The following GCH1 variants were observed in gnomAD, a reference collection of about 807,000 sequenced individuals.
GCH1 encodes the protein GTP cyclohydrolase I.
A neutral mutation model predicts 25.9 loss-of-function variants in GCH1; 5 were observed. That is an observed-to-expected ratio of 0.19 (90% CI 0.10 to 0.41). GCH1 has a LOEUF of 0.41. GCH1 is among the 10% of genes least tolerant of loss of function. GCH1 has a pLI of 1.00. For missense variants in GCH1, 261 were observed against 336.5 expected (o/e 0.78, Z 1.75); for synonymous variants, 159 against 129.6 (o/e 1.23, Z -1.54).
intron 1 of GCH1, among the ~76,000 whole-genome samples, chr14:54,870,237 T>C (rs529535920): frequency 1.3e-5 from 2 of 149,256 alleles, no homozygotes; most frequent in African/African-American, 5.0e-5. Flanking sequence ...GTGGCTCACA[T>C]CTGTAATTCT....
chr14:54,871,084 T>C (rs1216406585), intron 1 of GCH1, among the ~76,000 whole-genome samples: 1 of 152,146 alleles, frequency 6.6e-6, no homozygotes, highest in Non-Finnish European at 1.5e-5. Context: ...GTAGCCTAAC[T>C]GGGAGGCACC....
chr14:54,865,698 G>A (rs191935831), intron 1 of GCH1, among the ~76,000 whole-genome samples: 2 of 152,282 alleles, frequency 1.3e-5, no homozygotes, highest in Non-Finnish European at 1.5e-5. Context: ...GAAGGAGAAC[G>A]GAGGGAGGAA....
intron 3 of GCH1, among the ~76,000 whole-genome samples, chr14:54,855,505 CAAAAAAAAAAAAAAA>C (rs764999718): frequency 2.7e-5 from 1 of 36,432 alleles, no homozygotes; most frequent in Non-Finnish European, 4.2e-5. Context: ...GACCCTGTCT[CAAAAAAAAAAAAAAA>C]AAAAAAAAAG....
At chr14:54,857,885 T>C (rs530355596) in intron 3 of GCH1, among the ~76,000 whole-genome samples, 1 of 152,332 alleles carries the variant, frequency 6.6e-6, no homozygotes, top group East Asian at 1.9e-4. Context: ...AGAATGTTTC[T>C]GGATTTGTGC....
Position 54,902,447 on chromosome 14 carries a change from C to T in GCH1, c.217G>A (p.Ala73Thr). 1 of 1,612,896 alleles carries T rather than the reference C, an allele frequency of 6.2e-7. No homozygotes were observed. The highest frequency in any genetic ancestry group is 8.5e-7 in the Non-Finnish European group (1 of 1,179,770). ...GAGCTCAGGATGGACGAGTAGGCGG[C>T]TGCCAGGTTAGGGAGGTTCAGCTCG... is the stretch of plus-strand genomic sequence containing the variant. ...DNELNLPNLA[A>T]AYSSILSSLG... Residue 73 changes from alanine (A) to threonine (T), a missense_variant, in exon 1 of 6, where the codon GCC (alanine) becomes ACC (threonine). Around this residue, in one of 3 missense-constraint regions of GCH1, gnomAD observed 125 missense variants for 128.7 expected, o/e 0.97. Coordinates refer to ENST00000491895, the MANE Select transcript of GCH1 (RefSeq NM_000161.3).
chr14:54,864,349 T>C (rs2039961716), intron 2 of GCH1, among the ~76,000 whole-genome samples: 1 of 152,222 alleles, frequency 6.6e-6, no homozygotes, highest in South Asian at 2.1e-4. Context: ...TTCTTGTAAG[T>C]CTTCTGTTTA....
rs1194325245 is a variant in GCH1 at position 54,864,515 on chromosome 14, T to A, written c.453+812A>T. ...TAACTCAGATTTAAATTCCTCCAATTGTCTCAAATGTTTTACTTTTGGTTT... is the reference window on the plus strand; with the variant it reads ...TAACTCAGATTTAAATTCCTCCAATAGTCTCAAATGTTTTACTTTTGGTTT... On this transcript the variant is annotated intron_variant, in intron 2 of 5. Coordinates refer to ENST00000491895, the MANE Select transcript of GCH1 (RefSeq NM_000161.3). 3.3e-5 allele frequency among the ~76,000 whole-genome samples: 5 copies of A among 152,320 alleles called. No homozygotes were observed. The East Asian group carries it at 7.7e-4, about 23-fold the overall frequency.
intron 1 of GCH1, 51 bp downstream of exon 1, chr14:54,902,270 A>T (rs1238166024): frequency 2.5e-6 from 4 of 1,589,848 alleles, no homozygotes; most frequent in Non-Finnish European, 3.4e-6. Flanking sequence ...CGTTTCCTGC[A>T]AGCACCGCCC....
intron 1 of GCH1, among the ~76,000 whole-genome samples, chr14:54,874,568 T>C (rs907840084): frequency 7.9e-5 from 12 of 152,202 alleles, no homozygotes; most frequent in Non-Finnish European, 1.0e-4. Context: ...TGTTTGCAGA[T>C]GACATGATTG....
chr14:54,875,397 C>G (rs1321821896), intron 1 of GCH1, among the ~76,000 whole-genome samples: 1 of 152,138 alleles, frequency 6.6e-6, no homozygotes, highest in Non-Finnish European at 1.5e-5. Flanking sequence ...CAATACCATT[C>G]AGGACATAGG....
chr14:54,852,038 C>G (rs956483082), intron 3 of GCH1, among the ~76,000 whole-genome samples: 1 of 152,210 alleles, frequency 6.6e-6, no homozygotes, highest in Non-Finnish European at 1.5e-5. Flanking sequence ...GATCTGCCCG[C>G]CTTGGCCTCC....
At chr14:54,845,743 T>C (rs370780464) in intron 5 of GCH1, 25 bp downstream of exon 5, 24 of 1,310,424 alleles carry the variant, frequency 1.8e-5, no homozygotes, top group Non-Finnish European at 2.4e-5. Context: ...CATTATGACG[T>C]TACTAAAGGC....
intron 1 of GCH1, among the ~76,000 whole-genome samples, chr14:54,875,324 A>C (rs192091435): frequency 0.023 from 3,455 of 152,362 alleles, 54 homozygotes; most frequent in South Asian, 0.048. Context: ...AAATTAATTC[A>C]AGATGGATTA....
chr14:54,894,773 T>C (rs2040463867), intron 1 of GCH1, among the ~76,000 whole-genome samples: 1 of 152,212 alleles, frequency 6.6e-6, no homozygotes, highest in African/African-American at 2.4e-5. Flanking sequence ...TTCTTCTTTA[T>C]TCACAGTGCT....
At chr14:54,859,226 A>C (rs2039859116) in intron 3 of GCH1, 1 of 184,412 alleles carries the variant, frequency 5.4e-6, no homozygotes, top group Non-Finnish European at 1.1e-5. Context: ...TGTTGTATGA[A>C]AGCAAAGAAG....
rs374420051 is a variant in GCH1 at position 54,859,662 on chromosome 14, A to G, written c.509+19T>C. 130 of 1,468,456 alleles carry G rather than the reference A, an allele frequency of 8.9e-5. No individual in the cohort carries two copies. Among genetic ancestry groups the G allele is most frequent in the Non-Finnish European group, 1.2e-4 (126 of 1,047,578 alleles). The allele number at this position is 1,468,456 out of a possible 1,614,324, so 91.0% of individuals were successfully genotyped here. On this transcript the variant is annotated intron_variant, in intron 3 of 5. Transcript: ENST00000491895. ...GTCCTATAAACCTGTATTCTTGTTC[A>G]CTGCACAGTCACACTTACCTCGCAA...
In GCH1 at chr14:54,847,306, A is replaced by G. The variant is rs76124192; in HGVS notation, c.510-176T>C. On this transcript the variant is annotated intron_variant, in intron 3 of 5. Coordinates refer to ENST00000491895, the MANE Select transcript of GCH1 (RefSeq NM_000161.3). Reference sequence around the variant, plus strand: ...CACAGGGAGATGTAGTCTAAAGTCAACTTGATTGGATTGAAGGATGCAAAG... The same window carrying G: ...CACAGGGAGATGTAGTCTAAAGTCAGCTTGATTGGATTGAAGGATGCAAAG... Among the ~76,000 whole-genome samples the G allele has an allele frequency of 0.02, 2,973 of 152,306 alleles. 114 individuals carry two copies. The highest frequency in any genetic ancestry group is 0.067 in the African/African-American group (2,795 of 41,560).
intron 1 of GCH1, among the ~76,000 whole-genome samples, chr14:54,876,720 T>C (rs2040167015): frequency 6.6e-6 from 1 of 152,044 alleles, no homozygotes; most frequent in African/African-American, 2.4e-5. Context: ...TGTAGCCTTT[T>C]GTGTAATGAA....
In GCH1 at chr14:54,844,157, C is replaced by T. The variant is rs749119571; in HGVS notation, c.627-14G>A. The T allele has an allele frequency of 1.0e-5, 16 of 1,590,856 alleles. No individual in the cohort carries two copies. Among genetic ancestry groups the T allele is most frequent in the Non-Finnish European group, 1.4e-5 (16 of 1,158,878 alleles). ...ATACACATGTGTCTACAAAATAAGG[C>T]AACACAGGTTGTTTAAAGGAGTAGA... is the stretch of plus-strand genomic sequence containing the variant. On this transcript the variant is annotated splice_polypyrimidine_tract_variant and intron_variant, in intron 5 of 5. Coordinates refer to ENST00000491895, the MANE Select transcript of GCH1 (RefSeq NM_000161.3).
Sources: gnomAD v4.1 joint callset for allele counts (sites outside exome capture counted in the v4.1 genomes callset) on GRCh38, gnomAD v4.1.1 for gene constraint, gnomAD v4.1.1 regional missense constraint, MANE v1.5 for transcripts, NCBI Gene and HGNC (gene_info 2026-07-23, HGNC 2026-07-21) for gene names.